Variants in SMAP1 observed in about 807,000 individuals in gnomAD.
The protein encoded by SMAP1 is stromal membrane-associated protein 1.
Under a neutral mutation model 58.5 loss-of-function variants are expected in SMAP1, and 24 were observed. The ratio of observed to expected loss-of-function variants is 0.41; its 90% CI spans 0.30 to 0.58. The LOEUF (loss-of-function observed/expected upper bound fraction) is 0.58, where lower values mean the gene tolerates loss of function less well. SMAP1 is among the 20% of genes least tolerant of loss of function. The pLI is 0.29. For missense variants in SMAP1, 563 were observed against 566.3 expected, an observed-to-expected ratio of 0.99 and a Z score of 0.06; for synonymous variants, 216 against 196.6, an observed-to-expected ratio of 1.10 and a Z score of -0.82.
chr6:70,728,781 A>C (rs1003334115), intron 1 of SMAP1, among the ~76,000 whole-genome samples: 2 of 152,184 alleles, frequency 1.3e-5, no homozygotes, highest in African/African-American at 4.8e-5. Flanking sequence ...TGGAAACTGA[A>C]ATGGTGCGAG....
chr6:70,752,588 T>C (rs935147685), intron 2 of SMAP1, among the ~76,000 whole-genome samples: 2 of 152,174 alleles, frequency 1.3e-5, no homozygotes, highest in Admixed American at 6.5e-5. Context: ...CAGAGTTTAC[T>C]CTTCAGGGCC....
intron 3 of SMAP1, chr6:70,759,841 C>G (rs1331287801): frequency 1.3e-5 from 6 of 446,570 alleles, no homozygotes; most frequent in Non-Finnish European, 2.7e-5. Flanking sequence ...AGATATAATA[C>G]TGGAAACAAC....
At chr6:70,800,253 C>A (rs1210952685) in intron 6 of SMAP1, among the ~76,000 whole-genome samples, 1 of 151,516 alleles carries the variant, frequency 6.6e-6, no homozygotes, top group Non-Finnish European at 1.5e-5. Flanking sequence ...TGTGAATAGC[C>A]ACTGCACTCC....
intron 3 of SMAP1, among the ~76,000 whole-genome samples, chr6:70,757,077 A>C (rs146993308): frequency 0.023 from 3,578 of 152,336 alleles, 52 homozygotes; most frequent in Non-Finnish European, 0.037. Context: ...CCTAAGCCAA[A>C]AGAACAAAGC....
chr6:70,761,179 A>C (rs1276101056), intron 3 of SMAP1, among the ~76,000 whole-genome samples: 1 of 152,080 alleles, frequency 6.6e-6, no homozygotes, highest in Non-Finnish European at 1.5e-5. Flanking sequence ...ACATGTTAAA[A>C]GATAAAGCGT....
At chr6:70,688,409 T>G (rs1186990879) in intron 1 of SMAP1, among the ~76,000 whole-genome samples, 1 of 152,256 alleles carries the variant, frequency 6.6e-6, no homozygotes, top group Non-Finnish European at 1.5e-5. Flanking sequence ...TACCATTTTA[T>G]ACATCTACTA....
At chr6:70,702,803 G>C (rs1339333854) in intron 1 of SMAP1, among the ~76,000 whole-genome samples, 4 of 151,976 alleles carry the variant, frequency 2.6e-5, no homozygotes, top group South Asian at 2.1e-4. Flanking sequence ...GTTAATTTTT[G>C]TGTTTGTTAT....
intron 1 of SMAP1, among the ~76,000 whole-genome samples, chr6:70,728,929 G>A (rs905773004): frequency 1.3e-5 from 2 of 152,118 alleles, no homozygotes; most frequent in African/African-American, 2.4e-5. Flanking sequence ...TTCAGCCTCA[G>A]TTACCACATC....
intron 1 of SMAP1, among the ~76,000 whole-genome samples, chr6:70,674,655 C>T (rs1027090139): frequency 2.6e-5 from 4 of 152,258 alleles, no homozygotes; most frequent in Middle Eastern, 3.4e-3. Context: ...TTAAGTACTA[C>T]GTTAGATACT....
intron 2 of SMAP1, among the ~76,000 whole-genome samples, chr6:70,750,344 T>C (rs568962095): frequency 1.2e-4 from 18 of 152,338 alleles, no homozygotes; most frequent in African/African-American, 4.1e-4. Context: ...TGTTTAGTTA[T>C]ACGTGTTATT....
intron 1 of SMAP1, among the ~76,000 whole-genome samples, chr6:70,719,714 A>G (rs1365597574): frequency 1.3e-5 from 2 of 152,192 alleles, no homozygotes; most frequent in Non-Finnish European, 2.9e-5. Context: ...CACTTCTTAC[A>G]TGGTGGCAGC....
chr6:70,825,137 T>A (rs1421091472), intron 6 of SMAP1, among the ~76,000 whole-genome samples: 1 of 152,198 alleles, frequency 6.6e-6, no homozygotes, highest in Non-Finnish European at 1.5e-5. Context: ...ATTGCGCATA[T>A]ATCCTGTGCT....
chr6:70,710,653 G>T (rs1038863746), intron 1 of SMAP1, among the ~76,000 whole-genome samples: 1 of 152,036 alleles, frequency 6.6e-6, no homozygotes, highest in Non-Finnish European at 1.5e-5. Context: ...TGTAAACACT[G>T]TACACTTAGG....
At chr6:70,700,791 G>T (rs1359328908) in intron 1 of SMAP1, among the ~76,000 whole-genome samples, 1 of 152,206 alleles carries the variant, frequency 6.6e-6, no homozygotes, top group African/African-American at 2.4e-5. Flanking sequence ...AGCAAGTACC[G>T]GCAAGTATTA....
At chr6:70,687,064 A>G (rs1167212139) in intron 1 of SMAP1, among the ~76,000 whole-genome samples, 2 of 152,188 alleles carry the variant, frequency 1.3e-5, no homozygotes, top group African/African-American at 4.8e-5. Flanking sequence ...CCATAAGGCT[A>G]TTTAACCGAA....
chr6:70,766,564 C>T (rs899494381), intron 3 of SMAP1, among the ~76,000 whole-genome samples: 3 of 151,970 alleles, frequency 2.0e-5, no homozygotes, highest in Admixed American at 2.0e-4. Context: ...GTGTCTGTTC[C>T]TGTCCTTTGC....
intron 1 of SMAP1, among the ~76,000 whole-genome samples, chr6:70,696,580 A>G (rs1767414263): frequency 6.6e-6 from 1 of 152,116 alleles, no homozygotes; most frequent in African/African-American, 2.4e-5. Flanking sequence ...ATTGATTGCT[A>G]GTTTTATTCC....
chr6:70,773,205 G>T (rs2149914608), intron 3 of SMAP1, 145 bp from the exon 4 acceptor site: 1 of 559,578 alleles, frequency 1.8e-6, no homozygotes, highest in Non-Finnish European at 3.2e-6. Context: ...TTTACAGAAT[G>T]TAGTTGCAGA....
chr6:70,794,101 C>T (rs1022511944), intron 5 of SMAP1, among the ~76,000 whole-genome samples: 4 of 152,190 alleles, frequency 2.6e-5, no homozygotes, highest in Non-Finnish European at 5.9e-5. Flanking sequence ...TTACCTCCAT[C>T]TTACTGGACT....
Sources: gnomAD v4.1 joint callset for allele counts (sites outside exome capture counted in the v4.1 genomes callset) on GRCh38, gnomAD v4.1.1 for gene constraint, MANE v1.5 for transcripts, NCBI Gene and HGNC (gene_info 2026-07-23, HGNC 2026-07-21) for gene names.